PRSS21: variants seen among roughly 807,000 people sequenced by gnomAD.
PRSS21 encodes the protein serine protease 21.
In PRSS21, 40 loss-of-function variants were observed where a neutral mutation model predicts 31.1. The observed-to-expected ratio is 1.29, with a 90% confidence interval of 1.00 to 1.68. PRSS21 has a LOEUF of 1.68. Ranked by LOEUF, PRSS21 falls within the 40% of genes most tolerant of loss-of-function variation. The pLI is 0.00. For synonymous variants in PRSS21, 186 were observed against 167.7 expected, an observed-to-expected ratio of 1.11 and a Z score of -0.84; for missense variants, 467 against 412.6, an observed-to-expected ratio of 1.13 and a Z score of -1.14.
At position 2,821,480 on chromosome 16, in the gene PRSS21, A is replaced by G. The variant is rs1368563570; in HGVS notation, c.820A>G (p.Ile274Val). ...RPNRPGVYTN[I>V]SHHFEWIQKL... Reference sequence around the variant, plus strand: ...CAATCGGCCCGGTGTCTACACCAATATCAGCCACCACTTTGAGTGGATCCA... The same window carrying G: ...CAATCGGCCCGGTGTCTACACCAATGTCAGCCACCACTTTGAGTGGATCCA... The change falls in exon 6 of 6, where the codon ATC (isoleucine) becomes GTC (valine). Residue 274 changes from isoleucine to valine, a missense_variant. Physicochemically the swap from Ile to Val is conservative, Grantham distance 29 (BLOSUM62 3). Coordinates refer to ENST00000005995, the MANE Select transcript of PRSS21 (RefSeq NM_006799.4). 5.6e-6 allele frequency: 9 copies of G among 1,614,104 alleles called. No individual in the cohort carries two copies. In the Admixed American group the frequency reaches 1.0e-4, roughly 18 times the overall value.
chr16:2,821,073 T>C lies in PRSS21; in HGVS notation c.669T>C (p.Cys223=), dbSNP rs776842831. ...FRKDIFGDMV[C]AGNAQGGKDA... ...AGGACATCTTTGGAGACATGGTTTG[T>C]GCTGGCAATGCCCAAGGCGGGAAGG... is the stretch of plus-strand genomic sequence containing the variant. The change falls in exon 5 of 6, where the codon TGT becomes TGC. Residue 223 remains cysteine, a synonymous_variant. Transcript: ENST00000005995. The C allele has an allele frequency of 6.2e-7, 1 of 1,614,174 alleles. No homozygotes were observed. The highest frequency in any genetic ancestry group is 1.1e-5 in the South Asian group (1 of 91,090).
At chr16:2,820,287 G>C (rs2069148577) in intron 4 of PRSS21, among the ~76,000 whole-genome samples, 1 of 152,240 alleles carries the variant, frequency 6.6e-6, no homozygotes, top group African/African-American at 2.4e-5. Flanking sequence ...AGGCCCCGCT[G>C]ACGGGAAGCG....
At position 2,818,753 on chromosome 16, in the gene PRSS21, C is replaced by G. The variant is rs757343097; in HGVS notation, c.334C>G (p.Leu112Val). ...GACTTCCATGCCATCCTTCTGGAGC[C>G]TGCAGGCCTACTACACCCGTTACTT... The part of the protein sequence containing the change: ...QLTSMPSFWS[L>V]QAYYTRYFVS... The change falls in exon 4 of 6, where the codon CTG (leucine) becomes GTG (valine). Residue 112 changes from leucine to valine, a missense_variant. Transcript: ENST00000005995. 6.2e-7 allele frequency: 1 copy of G among 1,613,948 alleles called. No individual in the cohort carries two copies. The highest frequency in any genetic ancestry group is 2.2e-5 in the East Asian group (1 of 44,892).
chr16:2,820,870 G>T, intron 4 of PRSS21, 85 bp from the exon 5 acceptor site: 1 of 1,435,414 alleles, frequency 7.0e-7, no homozygotes, highest in South Asian at 1.3e-5. Context: ...GGTGCCCCAG[G>T]GCCCCCACCC....
rs113261549 is a variant in PRSS21, at chr16:2,818,692, T to A, written c.273T>A (p.Ser91Arg). Residue 91 changes from serine to arginine, a missense_variant, in exon 4 of 6, where the codon AGT becomes AGA. Coordinates refer to ENST00000005995, the MANE Select transcript of PRSS21 (RefSeq NM_006799.4). ...AHCFETYSDL[S>R]DPSGWMVQFG... is the part of the protein sequence containing the mutation. Reference sequence around the variant, plus strand: ...CTTCTGCCAGCTATAGTGACCTTAGTGATCCCTCCGGGTGGATGGTCCAGT... The same window carrying A: ...CTTCTGCCAGCTATAGTGACCTTAGAGATCCCTCCGGGTGGATGGTCCAGT... 1.2e-6 allele frequency: 2 copies of A among 1,614,092 alleles called. No homozygotes were observed. The highest frequency in any genetic ancestry group is 8.5e-7 in the Non-Finnish European group (1 of 1,179,950).
rs749043562 is a variant in PRSS21 at position 2,821,034 on chromosome 16, G to A, written c.630G>A (p.Lys210=). 4 of 1,614,158 alleles carry A rather than the reference G, an allele frequency of 2.5e-6. No homozygotes were observed. Among genetic ancestry groups the A allele is most frequent in the Non-Finnish European group, 2.5e-6 (3 of 1,180,022 alleles). Residue 210 remains lysine (K), a synonymous_variant, in exon 5 of 6, where the codon AAG becomes AAA. Transcript: ENST00000005995. ...NNSMCNHLFL[K]YSFRKDIFGD... is the part of the protein sequence containing the mutation. ...CTATGTGCAACCACCTCTTCCTCAAGTACAGTTTCCGCAAGGACATCTTTG... is the reference window on the plus strand; with the variant it reads ...CTATGTGCAACCACCTCTTCCTCAAATACAGTTTCCGCAAGGACATCTTTG...
Position 2,818,932 on chromosome 16 carries a change from C to A in PRSS21, c.513C>A (p.Cys171Ter). ...STFEFENRTDCWVTGWGYIKE... is the reference protein window; with the variant it reads ...STFEFENRTD ...TTGAGTTTGAGAACCGGACAGACTG[C>A]TGGGTGACTGGCTGGGGGTACATCA... The change falls in exon 4 of 6, where the codon TGC becomes TGA. Residue 171 changes from cysteine to a stop codon, truncating the protein, a stop_gained. Coordinates refer to ENST00000005995, the MANE Select transcript of PRSS21 (RefSeq NM_006799.4). LOFTEE classifies it high-confidence loss of function. The A allele has an allele frequency of 6.2e-7, 1 of 1,614,246 alleles. No individual in the cohort carries two copies.
intron 4 of PRSS21, among the ~76,000 whole-genome samples, chr16:2,820,433 C>T (rs1344576053): frequency 6.6e-6 from 1 of 152,160 alleles, no homozygotes; most frequent in Non-Finnish European, 1.5e-5. Flanking sequence ...TGCTGGGGGT[C>T]AGCGGGGCAA....
chr16:2,819,101 G>T, intron 4 of PRSS21, 132 bp downstream of exon 4: 1 of 1,037,208 alleles, frequency 9.6e-7, no homozygotes, highest in Admixed American at 2.5e-5. Flanking sequence ...CTCCTCACCT[G>T]CCAGGGCAGG....
At chr16:2,819,795 G>T (rs1199244528) in intron 4 of PRSS21, among the ~76,000 whole-genome samples, 2 of 152,232 alleles carry the variant, frequency 1.3e-5, no homozygotes, top group African/African-American at 2.4e-5. Flanking sequence ...AACTGAGAGG[G>T]TTATGGAAAT....
At chr16:2,819,244 C>G (rs906456567) in intron 4 of PRSS21, among the ~76,000 whole-genome samples, 3 of 152,082 alleles carry the variant, frequency 2.0e-5, no homozygotes, top group African/African-American at 7.2e-5. Context: ...GCGACATAAA[C>G]CTCATACTTG....
chr16:2,817,799 A>C lies in PRSS21; in HGVS notation c.92-2A>C. ...GCTCAGCAGTTCCTCTGACCATCCG[A>C]GGACCATGCGGCCGACGGGTCATCA... On this transcript the variant is annotated splice_acceptor_variant, in intron 2 of 5. Coordinates refer to ENST00000005995, the MANE Select transcript of PRSS21 (RefSeq NM_006799.4). LOFTEE classifies it high-confidence loss of function. This position sits in a 1 kb window ranked among gnomAD's most constrained non-coding sequence, Gnocchi z 4.2. 1.9e-6 allele frequency: 3 copies of C among 1,549,506 alleles called. No homozygotes were observed. Among genetic ancestry groups the C allele is most frequent in the Non-Finnish European group, 1.7e-6 (2 of 1,146,736 alleles).
chr16:2,818,064 G>A (rs2069110874), intron 3 of PRSS21, 98 bp downstream of exon 3: 2 of 1,423,384 alleles, frequency 1.4e-6, no homozygotes, highest in African/African-American at 1.4e-5. Flanking sequence ...CCAGACTTGG[G>A]CGTGAAAGTT....
At chr16:2,820,219 A>G (rs2069147364) in intron 4 of PRSS21, among the ~76,000 whole-genome samples, 1 of 152,176 alleles carries the variant, frequency 6.6e-6, no homozygotes, top group Admixed American at 6.5e-5. Context: ...GAAATAGGGG[A>G]ATGATGGTGC....
intron 4 of PRSS21, among the ~76,000 whole-genome samples, chr16:2,820,084 G>A (rs375584585): frequency 1.4e-4 from 21 of 152,318 alleles, no homozygotes; most frequent in African/African-American, 4.6e-4. Flanking sequence ...TCACAGTGCC[G>A]GGGAGGCAGG....
chr16:2,821,428 G>A lies in PRSS21; in HGVS notation c.768G>A (p.Val256=). ...KNGLWYQIGV[V]SWGVGCGRPN... ...GACTGTGGTATCAGATTGGAGTCGT[G>A]AGCTGGGGAGTGGGCTGTGGTCGGC... Residue 256 remains valine, a synonymous_variant, in exon 6 of 6, where the codon GTG becomes GTA. Transcript: ENST00000005995. The A allele has an allele frequency of 6.2e-7, 1 of 1,614,238 alleles. No individual in the cohort carries two copies. The highest frequency in any genetic ancestry group is 8.5e-7 in the Non-Finnish European group (1 of 1,180,040).
chr16:2,817,545 G>T lies in PRSS21; in HGVS notation c.91+89G>T. 2.8e-6 allele frequency: 4 copies of T among 1,428,066 alleles called. No individual in the cohort carries two copies. The highest frequency in any genetic ancestry group is 3.7e-6 in the Non-Finnish European group (4 of 1,075,004). The allele number at this position is 1,428,066 out of a possible 1,614,324, so 88.5% of individuals were successfully genotyped here. On this transcript the variant is annotated intron_variant, in intron 2 of 5. Coordinates refer to ENST00000005995, the MANE Select transcript of PRSS21 (RefSeq NM_006799.4). This position sits in a 1 kb window ranked among gnomAD's most constrained non-coding sequence, Gnocchi z 4.2. ...GAGGGGGTAGAGGGGGGCCTTTACT[G>T]CTCTCTCGCCCCCGCCCCCGGGATC...
rs868123823 is a variant in PRSS21, at chr16:2,818,970, G to A, written c.550+1G>A. 6.2e-7 allele frequency: 1 copy of A among 1,613,590 alleles called. No homozygotes were observed. The highest frequency in any genetic ancestry group is 1.7e-4 in the Middle Eastern group (1 of 6,058). ...TGGGGGTACATCAAAGAGGATGAGGGTGAGGCTGGGGACAGGCGGGTCAGG... is the reference window on the plus strand; with the variant it reads ...TGGGGGTACATCAAAGAGGATGAGGATGAGGCTGGGGACAGGCGGGTCAGG... On this transcript the variant is annotated splice_donor_variant, in intron 4 of 5. Transcript: ENST00000005995. LOFTEE classifies it high-confidence loss of function.
At chr16:2,820,885 A>G in intron 4 of PRSS21, 70 bp from the exon 5 acceptor site, 1 of 1,525,032 alleles carries the variant, frequency 6.6e-7, no homozygotes, top group East Asian at 2.3e-5. Context: ...CCACCCCCGC[A>G]GCCTATGCCA....
Sources: allele counts gnomAD v4.1 joint callset (sites outside exome capture counted in the v4.1 genomes callset), GRCh38; gene constraint gnomAD v4.1.1; non-coding constraint Gnocchi (gnomAD v3.1); transcripts MANE v1.5; gene names NCBI Gene and HGNC (gene_info 2026-07-23, HGNC 2026-07-21).